Variants in KCTD16 observed in about 807,000 individuals in gnomAD.
KCTD16 encodes potassium channel tetramerization domain containing 16.
Under a neutral mutation model 33.2 loss-of-function variants are expected in KCTD16, and 13 were observed. The observed-to-expected ratio is 0.39, with a 90% CI of 0.25 to 0.62. KCTD16 has a LOEUF of 0.62. KCTD16 is among the 20% of genes least tolerant of loss of function. KCTD16 has a pLI of 0.50. For synonymous variants in KCTD16, 197 were observed against 195.3 expected (o/e 1.01, Z -0.07); for missense variants, 441 against 525.1 (o/e 0.84, Z 1.57).
intron 3 of KCTD16, among the ~76,000 whole-genome samples, chr5:144,424,951 A>C (rs2126964865): frequency 6.6e-6 from 1 of 152,272 alleles, no homozygotes. Context: ...ATGTCCTCAC[A>C]TACAAATACA....
intron 3 of KCTD16, among the ~76,000 whole-genome samples, chr5:144,315,962 A>ATAGTGGGG (rs1751900125): frequency 6.6e-6 from 1 of 152,044 alleles, no homozygotes; most frequent in Non-Finnish European, 1.5e-5. Flanking sequence ...CTGTAACTTT[A>ATAGTGGGG]TAGTGGGGTA....
In KCTD16 at chr5:144,429,847, G is replaced by A. The variant is rs1314548584; in HGVS notation, c.833-43813G>A. On this transcript the variant is annotated intron_variant, in intron 3 of 3. Coordinates refer to ENST00000512467, the MANE Select transcript of KCTD16 (RefSeq NM_020768.4). ...CGCCAAGGAAGTTACATCCTGTCAGGGAAGTCAGACATGTTCATAAATACC... is the reference window on the plus strand; with the variant it reads ...CGCCAAGGAAGTTACATCCTGTCAGAGAAGTCAGACATGTTCATAAATACC... 2.0e-5 allele frequency among the ~76,000 whole-genome samples: 3 copies of A among 151,894 alleles called. No homozygotes were observed. In the East Asian group the frequency reaches 5.8e-4, roughly 29 times the overall value.
chr5:144,238,269 A>T (rs1336133400), intron 3 of KCTD16, among the ~76,000 whole-genome samples: 1 of 152,158 alleles, frequency 6.6e-6, no homozygotes, highest in Non-Finnish European at 1.5e-5. Context: ...ATAGCTAAAA[A>T]AGATTCAAGA....
chr5:144,240,831 G>A (rs1032926265), intron 3 of KCTD16, among the ~76,000 whole-genome samples: 9 of 152,096 alleles, frequency 5.9e-5, no homozygotes, highest in African/African-American at 2.2e-4. Flanking sequence ...TATTGAACAA[G>A]ATACCAGGGA....
At chr5:144,347,450 C>A (rs1368309308) in intron 3 of KCTD16, among the ~76,000 whole-genome samples, 1 of 152,148 alleles carries the variant, frequency 6.6e-6, no homozygotes. Context: ...CAAAAATTAG[C>A]CAGATGTGGT....
intron 2 of KCTD16, among the ~76,000 whole-genome samples, chr5:144,201,303 A>T (rs906176657): frequency 3.3e-5 from 5 of 152,124 alleles, no homozygotes; most frequent in African/African-American, 1.2e-4. Context: ...TCAGTTCCCC[A>T]CTCTGCCACC....
In KCTD16 at chr5:144,481,927, C is replaced by T. The variant is rs1015658769; in HGVS notation, c.*7813C>T. 31 of 151,952 alleles carry T rather than the reference C, an allele frequency of 2.0e-4. No homozygotes were observed. Among genetic ancestry groups the T allele is most frequent in the African/African-American group, 7.0e-4 (29 of 41,476 alleles). The allele number at this position is 151,952 out of a possible 1,614,324, so 9.4% of individuals were successfully genotyped here. A position where few individuals can be genotyped will look rare whatever the true frequency, so the allele number is the denominator to read the frequency against. On this transcript the variant is annotated 3_prime_UTR_variant, in exon 4 of 4. Coordinates refer to ENST00000512467, the MANE Select transcript of KCTD16 (RefSeq NM_020768.4). ...AAACTCTACTGAGTACTTTTCATGC[C>T]TTATCTCATTTAATCCTATCATAAT...
At chr5:144,338,971 C>A (rs1297342493) in intron 3 of KCTD16, among the ~76,000 whole-genome samples, 1 of 152,134 alleles carries the variant, frequency 6.6e-6, no homozygotes, top group Non-Finnish European at 1.5e-5. Flanking sequence ...TTATAATGCA[C>A]TGAAGAGAGA....
At chr5:144,327,669 A>T (rs574516403) in intron 3 of KCTD16, among the ~76,000 whole-genome samples, 24 of 152,348 alleles carry the variant, frequency 1.6e-4, no homozygotes, top group African/African-American at 5.8e-4. Context: ...ATGAATTAAA[A>T]AAATGACCCA....
In KCTD16 at chr5:144,353,003, CT is replaced by C. The variant is rs377532324; in HGVS notation, c.833-120653del. Among the ~76,000 whole-genome samples, 10 of 152,272 alleles carry C rather than the reference CT, an allele frequency of 6.6e-5. No homozygotes were observed. In the East Asian group the frequency reaches 1.7e-3, roughly 26 times the overall value. ...CTCAGCTTCTAAGAAGGTAACATGC[CT>C]TTTAGGCTGCACAGACCTTGGTAAT... On this transcript the variant is annotated intron_variant, in intron 3 of 3. Transcript: ENST00000512467.
At position 144,373,265 on chromosome 5, in the gene KCTD16, T is replaced by C. The variant is rs188808971; in HGVS notation, c.833-100395T>C. The stretch of plus-strand genomic sequence containing the variant: ...CCCTACTTTCTCCCATGAAATAGAC[T>C]GGTTGTGATTTTGATAGTGATATGA... On this transcript the variant is annotated intron_variant, in intron 3 of 3. Transcript: ENST00000512467. 2.6e-5 allele frequency among the ~76,000 whole-genome samples: 4 copies of C among 152,260 alleles called. No individual in the cohort carries two copies. In the East Asian group the frequency reaches 7.7e-4, roughly 29 times the overall value.
intron 3 of KCTD16, among the ~76,000 whole-genome samples, chr5:144,304,305 A>G (rs1156732980): frequency 6.6e-6 from 1 of 152,202 alleles, no homozygotes; most frequent in Non-Finnish European, 1.5e-5. Flanking sequence ...CATGAAGCAC[A>G]TGTGACATAG....
intron 3 of KCTD16, among the ~76,000 whole-genome samples, chr5:144,355,289 T>C (rs1751546833): frequency 6.6e-6 from 1 of 152,174 alleles, no homozygotes; most frequent in African/African-American, 2.4e-5. Flanking sequence ...AACAAAAATA[T>C]GAACAGCATC....
intron 3 of KCTD16, among the ~76,000 whole-genome samples, chr5:144,295,201 A>G (rs1203253630): frequency 6.6e-6 from 1 of 152,228 alleles, no homozygotes; most frequent in Non-Finnish European, 1.5e-5. Flanking sequence ...TAAGCATTTT[A>G]GCAGTAGTAG....
intron 3 of KCTD16, among the ~76,000 whole-genome samples, chr5:144,418,209 G>A (rs546541756): frequency 6.6e-6 from 1 of 152,260 alleles, no homozygotes; most frequent in African/African-American, 2.4e-5. Context: ...CCCAAAGCAT[G>A]AGCAGCAGCA....
chr5:144,364,451 C>G (rs1399253560), intron 3 of KCTD16, among the ~76,000 whole-genome samples: 2 of 152,134 alleles, frequency 1.3e-5, no homozygotes, highest in Admixed American at 1.3e-4. Context: ...CTGAACAGAA[C>G]AACAAGCGAG....
At chr5:144,259,773 C>T (rs1177646239) in intron 3 of KCTD16, among the ~76,000 whole-genome samples, 2 of 152,196 alleles carry the variant, frequency 1.3e-5, no homozygotes, top group African/African-American at 2.4e-5. Context: ...CTTTGACAAA[C>T]AGATGCAAGT....
chr5:144,291,314 C>T (rs1401778708), intron 3 of KCTD16, among the ~76,000 whole-genome samples: 1 of 152,158 alleles, frequency 6.6e-6, no homozygotes. Flanking sequence ...CAGTTACCTC[C>T]ATACTGGTAT....
chr5:144,303,334 G>A (rs769381853), intron 3 of KCTD16, among the ~76,000 whole-genome samples: 5 of 152,144 alleles, frequency 3.3e-5, no homozygotes, highest in Non-Finnish European at 5.9e-5. Context: ...CTAGACTTAG[G>A]AACAAAGATG....
Sources: gnomAD v4.1 joint callset for allele counts (sites outside exome capture counted in the v4.1 genomes callset) on GRCh38, gnomAD v4.1.1 for gene constraint, MANE v1.5 for transcripts, NCBI Gene and HGNC (gene_info 2026-07-23, HGNC 2026-07-21) for gene names.